Variants in ETV6 observed in about 807,000 individuals in gnomAD.
ETV6 encodes transcription factor ETV6.
In ETV6, 16 loss-of-function variants were observed where a neutral mutation model predicts 51.1. The observed-to-expected ratio is 0.31, with a 90% CI of 0.21 to 0.48. ETV6 has a LOEUF of 0.48. Among genes scored for constraint, ETV6 ranks in the 20% least tolerant of loss-of-function variants. ETV6 has a pLI of 0.99. For missense variants in ETV6, 458 were observed against 594.8 expected, an observed-to-expected ratio of 0.77 and a Z score of 2.39; for synonymous variants, 240 against 224.1, an observed-to-expected ratio of 1.07 and a Z score of -0.64.
chr12:11,679,112 G>A (rs1353862462), intron 1 of ETV6, among the ~76,000 whole-genome samples: 1 of 152,186 alleles, frequency 6.6e-6, no homozygotes, highest in Non-Finnish European at 1.5e-5. Flanking sequence ...GAGGTTGAAA[G>A]GAGAGTGTTC....
intron 1 of ETV6, among the ~76,000 whole-genome samples, chr12:11,721,810 A>G (rs1052525917): frequency 2.6e-5 from 4 of 152,260 alleles, no homozygotes; most frequent in African/African-American, 7.2e-5. Flanking sequence ...CCTAATGAAC[A>G]TTAGTTTCCT....
intron 1 of ETV6, among the ~76,000 whole-genome samples, chr12:11,703,517 A>G (rs977026207): frequency 6.6e-6 from 1 of 152,182 alleles, no homozygotes. Context: ...AGCCAATGAA[A>G]TGATACCAAG....
intron 1 of ETV6, among the ~76,000 whole-genome samples, chr12:11,650,504 A>AAAAAAAAAC (rs1863882636): frequency 4.2e-5 from 4 of 94,226 alleles, no homozygotes; most frequent in South Asian, 3.8e-4. Flanking sequence ...AACAAAAAAC[A>AAAAAAAAAC]AAAAAAAAAA....
At chr12:11,767,684 C>CT (rs1239997666) in intron 2 of ETV6, among the ~76,000 whole-genome samples, 2 of 152,218 alleles carry the variant, frequency 1.3e-5, no homozygotes, top group Non-Finnish European at 2.9e-5. Context: ...CTGTCCAACT[C>CT]TAACATTGTA....
rs765354372 is a variant in ETV6, at chr12:11,752,497, C to T, written c.81C>T (p.Tyr27=). The T allele has an allele frequency of 2.2e-5, 36 of 1,613,980 alleles. No homozygotes were observed. In the East Asian group the frequency reaches 4.2e-4, roughly 19 times the overall value. ...YTPPESPVPS[Y]ASSTPLHVPV... ...CTCCAGAGAGCCCAGTGCCGAGTTACGCTTCCTCGACGCCACTTCATGTTC... is the reference window on the plus strand; with the variant it reads ...CTCCAGAGAGCCCAGTGCCGAGTTATGCTTCCTCGACGCCACTTCATGTTC... The change falls in exon 2 of 8, where the codon TAC becomes TAT. Residue 27 remains tyrosine (Y), a synonymous_variant. Coordinates refer to ENST00000396373, the MANE Select transcript of ETV6 (RefSeq NM_001987.5).
chr12:11,669,708 C>T (rs10491986), intron 1 of ETV6, among the ~76,000 whole-genome samples: 4,211 of 152,222 alleles, frequency 0.028, 212 homozygotes, highest in African/African-American at 0.096. Context: ...TTTTGGGGAG[C>T]TACCATTCAT....
chr12:11,854,735 A>G (rs1022722180), intron 4 of ETV6, among the ~76,000 whole-genome samples: 8 of 152,192 alleles, frequency 5.3e-5, no homozygotes, highest in Non-Finnish European at 1.0e-4. Flanking sequence ...AGAAATGGGA[A>G]GTCATTGGAG....
At chr12:11,724,145 C>T (rs1865445501) in intron 1 of ETV6, among the ~76,000 whole-genome samples, 1 of 152,134 alleles carries the variant, frequency 6.6e-6, no homozygotes, top group Admixed American at 6.5e-5. Flanking sequence ...ACTAAGGGAT[C>T]GTAAGCAGGT....
intron 7 of ETV6, among the ~76,000 whole-genome samples, chr12:11,886,256 C>T (rs1237867382): frequency 6.6e-6 from 1 of 152,182 alleles, no homozygotes; most frequent in Admixed American, 6.5e-5. Context: ...GAATCTGACT[C>T]ACCTTTAAAA....
intron 2 of ETV6, among the ~76,000 whole-genome samples, chr12:11,754,378 A>G (rs767483619): frequency 1.2e-3 from 185 of 152,180 alleles, no homozygotes; most frequent in Non-Finnish European, 1.9e-3. Flanking sequence ...TTTTATTCCT[A>G]TAGATTGCAA....
At chr12:11,711,372 T>G (rs905967698) in intron 1 of ETV6, among the ~76,000 whole-genome samples, 4 of 152,348 alleles carry the variant, frequency 2.6e-5, no homozygotes, top group Admixed American at 1.3e-4. Context: ...CAGCAAGAGT[T>G]CTAGGAGTTT....
At position 11,893,262 on chromosome 12, in the gene ETV6, A is replaced by G. The variant is rs1947323114; in HGVS notation, c.*2216A>G. On this transcript the variant is annotated 3_prime_UTR_variant, in exon 8 of 8. Transcript: ENST00000396373. Reference sequence around the variant, plus strand: ...TTTTACTGCATCCCTCTGTATGAATATGAAATCAGAGACCAGGGCATGATG... The same window carrying G: ...TTTTACTGCATCCCTCTGTATGAATGTGAAATCAGAGACCAGGGCATGATG... The G allele has an allele frequency of 4.3e-6, 1 of 232,722 alleles. No homozygotes were observed. Among genetic ancestry groups the G allele is most frequent in the Admixed American group, 5.6e-5 (1 of 17,776 alleles). The allele number at this position is 232,722 out of a possible 1,614,324, so 14.4% of individuals were successfully genotyped here.
chr12:11,735,022 A>AATTT (rs1343842768), intron 1 of ETV6, among the ~76,000 whole-genome samples: 1 of 150,676 alleles, frequency 6.6e-6, no homozygotes, highest in East Asian at 1.9e-4. Context: ...TCTACTTATT[A>AATTT]ATGGGCAAAA....
intron 5 of ETV6, among the ~76,000 whole-genome samples, chr12:11,877,996 C>T (rs554888783): frequency 2.0e-5 from 3 of 152,274 alleles, no homozygotes; most frequent in East Asian, 1.9e-4. Flanking sequence ...TGCAGAGCCA[C>T]GCAGGGCACT....
chr12:11,734,589 G>C (rs1244884019), intron 1 of ETV6, among the ~76,000 whole-genome samples: 1 of 151,706 alleles, frequency 6.6e-6, no homozygotes, highest in South Asian at 2.1e-4. Context: ...ATAGGTATGT[G>C]GATTTATCAC....
chr12:11,871,759 A>G (rs1178573229), intron 5 of ETV6, among the ~76,000 whole-genome samples: 1 of 152,208 alleles, frequency 6.6e-6, no homozygotes, highest in Non-Finnish European at 1.5e-5. Context: ...GCTAGCCATC[A>G]CCAGCTAGTG....
intron 2 of ETV6, among the ~76,000 whole-genome samples, chr12:11,828,511 C>T (rs548007467): frequency 5.3e-5 from 8 of 152,204 alleles, no homozygotes; most frequent in South Asian, 2.1e-4. Flanking sequence ...ATTTGGTTTT[C>T]GCATTACCTC....
intron 3 of ETV6, among the ~76,000 whole-genome samples, chr12:11,848,049 A>G (rs1293912108): frequency 1.3e-5 from 2 of 152,228 alleles, no homozygotes; most frequent in African/African-American, 4.8e-5. Flanking sequence ...TTTAAATACA[A>G]AAGTACTGAA....
intron 2 of ETV6, among the ~76,000 whole-genome samples, chr12:11,792,246 G>A (rs1158947401): frequency 1.3e-5 from 2 of 152,194 alleles, no homozygotes; most frequent in Non-Finnish European, 2.9e-5. Context: ...CTGGATAGGA[G>A]GATGAGCAGA....
Sources: gnomAD v4.1 joint callset for allele counts (sites outside exome capture counted in the v4.1 genomes callset) on GRCh38, gnomAD v4.1.1 for gene constraint, MANE v1.5 for transcripts, NCBI Gene and HGNC (gene_info 2026-07-23, HGNC 2026-07-21) for gene names.